SNTG2: variants seen among roughly 807,000 people sequenced by gnomAD.
SNTG2 encodes gamma-2-syntrophin.
A neutral mutation model predicts 70.9 loss-of-function variants in SNTG2; 74 were observed. The ratio of observed to expected loss-of-function variants is 1.04; its 90% CI spans 0.86 to 1.27. The LOEUF is 1.27. Ranked by LOEUF, SNTG2 falls within the 50% of genes most tolerant of loss-of-function variation. SNTG2 has a pLI of 0.00. For synonymous variants in SNTG2, 278 were observed against 273.8 expected (o/e 1.02, Z -0.15); for missense variants, 717 against 690.7 (o/e 1.04, Z -0.43).
At chr2:1,279,125 C>T (rs1407002952) in intron 14 of SNTG2, among the ~76,000 whole-genome samples, 6 of 145,152 alleles carry the variant, frequency 4.1e-5, no homozygotes, top group South Asian at 2.2e-4. Flanking sequence ...GCGAATCACC[C>T]GTCAGTGCGC....
intron 12 of SNTG2, 56 bp from the exon 13 acceptor site, chr2:1,259,314 T>A: frequency 6.4e-7 from 1 of 1,562,634 alleles, no homozygotes; most frequent in East Asian, 2.2e-5. Context: ...AATTTTTAAA[T>A]TTTTCAACTA....
chr2:1,300,439 C>T (rs1680411115), intron 14 of SNTG2, among the ~76,000 whole-genome samples: 1 of 152,166 alleles, frequency 6.6e-6, no homozygotes, highest in African/African-American at 2.4e-5. Flanking sequence ...AGGAAGATCC[C>T]TCAACACCCC....
chr2:1,265,092 C>T (rs965572533), intron 13 of SNTG2, among the ~76,000 whole-genome samples: 11 of 151,888 alleles, frequency 7.2e-5, no homozygotes, highest in South Asian at 4.2e-4. Context: ...GGGGGATGTG[C>T]GTTCCCACAT....
chr2:1,012,109 T>C (rs1253651780), intron 1 of SNTG2, among the ~76,000 whole-genome samples: 3 of 152,232 alleles, frequency 2.0e-5, no homozygotes, highest in Non-Finnish European at 4.4e-5. Context: ...GCTATTGAGA[T>C]AATAATCTGC....
intron 14 of SNTG2, among the ~76,000 whole-genome samples, chr2:1,291,299 G>T (rs192295203): frequency 6.6e-6 from 1 of 152,032 alleles, no homozygotes; most frequent in Non-Finnish European, 1.5e-5. Flanking sequence ...ACATTCTCTG[G>T]GTTGGATTTC....
At chr2:1,103,379 C>CTTTTTTTT (rs758261408) in intron 4 of SNTG2, 2 of 241,154 alleles carry the variant, frequency 8.3e-6, no homozygotes, top group South Asian at 4.5e-5. Flanking sequence ...TTATAAATTT[C>CTTTTTTTT]TTTTTTTTTT....
At chr2:1,214,659 T>C (rs1322374594) in intron 9 of SNTG2, among the ~76,000 whole-genome samples, 2 of 152,182 alleles carry the variant, frequency 1.3e-5, no homozygotes, top group African/African-American at 2.4e-5. Flanking sequence ...GAGTTTTCTA[T>C]ATATAAGCTT....
chr2:1,322,209 A>T (rs564282018), intron 16 of SNTG2, among the ~76,000 whole-genome samples: 1 of 152,336 alleles, frequency 6.6e-6, no homozygotes, highest in South Asian at 2.1e-4. Context: ...TCAGTAACTA[A>T]AGTTTTCAAA....
chr2:968,854 G>T (rs1359946349), intron 1 of SNTG2, among the ~76,000 whole-genome samples: 3 of 152,056 alleles, frequency 2.0e-5, no homozygotes, highest in Admixed American at 2.0e-4. Context: ...ATTTTGCTAT[G>T]CAGAAACTCT....
chr2:1,186,381 T>C (rs1290211681), intron 8 of SNTG2, among the ~76,000 whole-genome samples: 2 of 152,238 alleles, frequency 1.3e-5, no homozygotes, highest in African/African-American at 4.8e-5. Context: ...AAAGTCACTT[T>C]CACATTTTCA....
chr2:1,008,068 G>T (rs1242308807), intron 1 of SNTG2, among the ~76,000 whole-genome samples: 2 of 152,066 alleles, frequency 1.3e-5, no homozygotes, highest in East Asian at 1.9e-4. Context: ...TTTATTTTGT[G>T]GGGGGCTTGT....
At chr2:953,990 T>C (rs912981392) in intron 1 of SNTG2, among the ~76,000 whole-genome samples, 1 of 151,440 alleles carries the variant, frequency 6.6e-6, no homozygotes, top group African/African-American at 2.4e-5. Flanking sequence ...TGACAGAGGG[T>C]GTGTTTGCAT....
rs150837951 is a variant in SNTG2, at chr2:1,312,215, G to GT, written c.1377+3639dup. ...TATGGCCTAAATCTCTCGATGCAAAGTTTTTTTTTTAATTAAAGAGGATAA... is the reference window on the plus strand; with the variant it reads ...TATGGCCTAAATCTCTCGATGCAAAGTTTTTTTTTTTAATTAAAGAGGATAA... On this transcript the variant is annotated intron_variant, in intron 15 of 16. Transcript: ENST00000308624. 5.9e-3 allele frequency among the ~76,000 whole-genome samples: 893 copies of GT among 150,726 alleles called. 5 individuals are homozygous for GT. The highest frequency in any genetic ancestry group is 0.011 in the South Asian group (52 of 4,754).
intron 15 of SNTG2, among the ~76,000 whole-genome samples, chr2:1,309,630 G>A (rs59490812): frequency 0.017 from 2,516 of 152,374 alleles, 66 homozygotes; most frequent in African/African-American, 0.057. Flanking sequence ...GGGCAATAGT[G>A]TGGAGGCTGA....
intron 4 of SNTG2, among the ~76,000 whole-genome samples, chr2:1,104,183 C>T (rs924250232): frequency 2.0e-5 from 3 of 152,192 alleles, no homozygotes; most frequent in African/African-American, 7.2e-5. Context: ...TCGTCCGGTG[C>T]TGCCCCTCTT....
Position 1,227,964 on chromosome 2 carries a change from G to A in SNTG2, c.720-9924G>A, listed in dbSNP as rs950689300. Among the ~76,000 whole-genome samples, 40 of 152,096 alleles carry A rather than the reference G, an allele frequency of 2.6e-4. 1 individual carries two copies. Among genetic ancestry groups the A allele is most frequent in the East Asian group, 5.8e-4 (3 of 5,180 alleles). ...TGAGAGGCTGGCAGCCTCCCGCCTC[G>A]TGCAGGGGATGAAGCCTCCCGCCTC... On this transcript the variant is annotated intron_variant, in intron 9 of 16. Transcript: ENST00000308624.
intron 16 of SNTG2, among the ~76,000 whole-genome samples, chr2:1,360,461 G>A (rs55752182): frequency 0.72 from 109,326 of 151,634 alleles, 39,698 homozygotes; most frequent in East Asian, 0.94. Context: ...TTAGAAGGAA[G>A]GTATAGGGTG....
At chr2:1,253,358 T>C (rs1356289248) in intron 12 of SNTG2, among the ~76,000 whole-genome samples, 3 of 151,972 alleles carry the variant, frequency 2.0e-5, no homozygotes. Context: ...TCCGTGTAAA[T>C]GTCCCTGAAT....
Position 1,165,586 on chromosome 2 carries a change from C to G in SNTG2, c.450C>G (p.Ile150Met). Reference sequence around the variant, plus strand: ...GAAATGCTGGCGATGAAGTTACCATCACCGTTGAGTATCTCAGGGAAGCGC... The same window carrying G: ...GAAATGCTGGCGATGAAGTTACCATGACCGTTGAGTATCTCAGGGAAGCGC... ...LLRNAGDEVT[I>M]TVEYLREAPA... Residue 150 changes from isoleucine (I) to methionine (M), a missense_variant, in exon 7 of 17, where the codon ATC becomes ATG. By Grantham distance (10) the Ile-to-Met change is conservative. Coordinates refer to ENST00000308624, the MANE Select transcript of SNTG2 (RefSeq NM_018968.4). The G allele has an allele frequency of 6.2e-7, 1 of 1,613,096 alleles. No homozygotes were observed. Among genetic ancestry groups the G allele is most frequent in the Non-Finnish European group, 8.5e-7 (1 of 1,179,600 alleles).
Sources: gnomAD v4.1 joint callset for allele counts (sites outside exome capture counted in the v4.1 genomes callset) on GRCh38, gnomAD v4.1.1 for gene constraint, MANE v1.5 for transcripts, NCBI Gene and HGNC (gene_info 2026-07-23, HGNC 2026-07-21) for gene names.